The following FAM171A1 variants were observed in gnomAD, a reference collection of about 807,000 sequenced individuals.
FAM171A1 encodes protein FAM171A1.
A neutral mutation model predicts 74.9 loss-of-function variants in FAM171A1; 23 were observed. The ratio of observed to expected loss-of-function variants is 0.31; its 90% confidence interval spans 0.22 to 0.44. The LOEUF (loss-of-function observed/expected upper bound fraction) is 0.44, where lower values mean the gene tolerates loss of function less well. Among genes scored for constraint, FAM171A1 ranks in the 20% least tolerant of loss-of-function variants. The pLI is 1.00. For missense variants in FAM171A1, 1,162 were observed against 1,159.2 expected (o/e 1.00, Z -0.03); for synonymous variants, 527 against 505.7 (o/e 1.04, Z -0.57).
At chr10:15,332,295 T>A (rs574839903) in intron 1 of FAM171A1, among the ~76,000 whole-genome samples, 2 of 152,138 alleles carry the variant, frequency 1.3e-5, no homozygotes, top group African/African-American at 4.8e-5. Flanking sequence ...TATGCTCACC[T>A]TTTAAGCAAC....
At chr10:15,239,849 G>A (rs1443794606) in intron 5 of FAM171A1, among the ~76,000 whole-genome samples, 2 of 152,228 alleles carry the variant, frequency 1.3e-5, no homozygotes, top group Non-Finnish European at 1.5e-5. Context: ...GGGACCAGAA[G>A]TGTTTTGGAT....
At chr10:15,304,393 C>T (rs1835268684) in intron 1 of FAM171A1, among the ~76,000 whole-genome samples, 1 of 152,156 alleles carries the variant, frequency 6.6e-6, no homozygotes, top group South Asian at 2.1e-4. Context: ...GCCCACTCCC[C>T]AGCCACATCC....
At chr10:15,332,995 T>C (rs1274999070) in intron 1 of FAM171A1, among the ~76,000 whole-genome samples, 2 of 152,150 alleles carry the variant, frequency 1.3e-5, no homozygotes, top group Non-Finnish European at 2.9e-5. Context: ...ATACCTCCTA[T>C]AGTGCAACTC....
chr10:15,269,792 A>G (rs928342173), intron 3 of FAM171A1, among the ~76,000 whole-genome samples: 14 of 152,200 alleles, frequency 9.2e-5, no homozygotes, highest in African/African-American at 3.4e-4. Flanking sequence ...CTTTTCTCTC[A>G]CACACTTACA....
chr10:15,261,998 T>C (rs1834663845), intron 3 of FAM171A1, among the ~76,000 whole-genome samples: 1 of 152,194 alleles, frequency 6.6e-6, no homozygotes, highest in African/African-American at 2.4e-5. Context: ...GCCTGAAGTC[T>C]GAGCTACTCC....
In FAM171A1 at chr10:15,213,359, GC is replaced by G. The variant is rs756181652; in HGVS notation, c.2228del (p.Gly743AlafsTer2). ...NGSNDASLDS[G>X]VDMNEPKSAR... is the part of the protein sequence containing the mutation. ...CTGATTTTGGTTCATTCATATCTACGCCAGAGTCCAAACTGGCATCATTACT... is the reference window on the plus strand; with the variant it reads ...CTGATTTTGGTTCATTCATATCTACGCAGAGTCCAAACTGGCATCATTACT... On this transcript the variant is annotated frameshift_variant, in exon 8 of 8. Coordinates refer to ENST00000378116, the MANE Select transcript of FAM171A1 (RefSeq NM_001010924.2). LOFTEE classifies it high-confidence loss of function. The surrounding 1 kb of genome is among the most constrained non-coding windows in gnomAD (Gnocchi z 6.8). 6.2e-7 allele frequency: 1 copy of G among 1,614,070 alleles called. No individual in the cohort carries two copies. Among genetic ancestry groups the G allele is most frequent in the Non-Finnish European group, 8.5e-7 (1 of 1,180,014 alleles).
At chr10:15,314,941 T>C (rs1046349859) in intron 1 of FAM171A1, among the ~76,000 whole-genome samples, 13 of 152,208 alleles carry the variant, frequency 8.5e-5, no homozygotes, top group Non-Finnish European at 1.3e-4. Context: ...CCGGGATGGG[T>C]GGCTGAGTTT....
intron 1 of FAM171A1, among the ~76,000 whole-genome samples, chr10:15,298,544 T>G (rs1046897014): frequency 5.3e-5 from 8 of 152,192 alleles, no homozygotes; most frequent in Non-Finnish European, 1.2e-4. Context: ...CTCCAAAATA[T>G]TTAAACTAAT....
At chr10:15,335,662 A>G (rs977267141) in intron 1 of FAM171A1, among the ~76,000 whole-genome samples, 23 of 152,220 alleles carry the variant, frequency 1.5e-4, no homozygotes, top group African/African-American at 5.3e-4. Context: ...ACAGCCTGAA[A>G]GTGACAGGGG....
intron 5 of FAM171A1, among the ~76,000 whole-genome samples, chr10:15,229,899 ATCACCATCACCACCATCACCAACAT>A (rs879433429): frequency 0.071 from 6,743 of 94,682 alleles, 1,014 homozygotes; most frequent in Non-Finnish European, 0.085. Flanking sequence ...CATCACCATC[ATCACCATCACCACCATCACCAACAT>A]CATCATCATC....
chr10:15,357,227 G>A (rs749931264), intron 1 of FAM171A1, among the ~76,000 whole-genome samples: 15 of 152,130 alleles, frequency 9.9e-5, no homozygotes, highest in Non-Finnish European at 2.1e-4. Flanking sequence ...AGCTTGCAGT[G>A]GGCCGAGACC....
rs770727377 is a variant in FAM171A1 at position 15,283,743 on chromosome 10, C to T, written c.325+135G>A. ...GGGACTACAGGTGCACACTATGATGCCTGGCTAATTTTAAATTTTTTTGTA... is the reference window on the plus strand; with the variant it reads ...GGGACTACAGGTGCACACTATGATGTCTGGCTAATTTTAAATTTTTTTGTA... On this transcript the variant is annotated intron_variant, in intron 2 of 7. Transcript: ENST00000378116. 2.2e-5 allele frequency: 17 copies of T among 789,086 alleles called. No individual in the cohort carries two copies. In the African/African-American group the frequency reaches 3.0e-4, roughly 14 times the overall value. 48.9% of individuals were successfully genotyped at this position (789,086 alleles called of 1,614,324 possible).
At chr10:15,227,223 A>T (rs1834120590) in intron 5 of FAM171A1, among the ~76,000 whole-genome samples, 2 of 152,016 alleles carry the variant, frequency 1.3e-5, no homozygotes, top group South Asian at 2.1e-4. Flanking sequence ...CTGGTCTCGA[A>T]CTCCTTACCT....
intron 1 of FAM171A1, among the ~76,000 whole-genome samples, chr10:15,325,011 GCACAT>G (rs1835533929): frequency 6.6e-6 from 1 of 152,220 alleles, no homozygotes; most frequent in Non-Finnish European, 1.5e-5. Context: ...AAAGCTAGAG[GCACAT>G]CACGTGTGTC....
At position 15,275,849 on chromosome 10, in the gene FAM171A1, A is replaced by C. The variant is rs1834886223; in HGVS notation, c.418+6T>G. 1 of 1,579,668 alleles carries C rather than the reference A, an allele frequency of 6.3e-7. No individual in the cohort carries two copies. The highest frequency in any genetic ancestry group is 8.7e-7 in the Non-Finnish European group (1 of 1,154,450). ...CAATAAAAACTGAAAAAAATATTAA[A>C]TATACCTTGGAATCCTGATACTATT... On this transcript the variant is annotated splice_donor_region_variant and intron_variant, in intron 3 of 7. Transcript: ENST00000378116.
chr10:15,244,505 G>A (rs146109078), intron 5 of FAM171A1, among the ~76,000 whole-genome samples: 3,298 of 152,262 alleles, frequency 0.022, 47 homozygotes, highest in Admixed American at 0.028. Context: ...GGTGACAGAG[G>A]GAGACCCTGT....
chr10:15,296,542 A>G lies in FAM171A1; in HGVS notation c.98-12437T>C, dbSNP rs566553615. 6.0e-4 allele frequency among the ~76,000 whole-genome samples: 91 copies of G among 152,280 alleles called. 1 individual carries two copies. Among genetic ancestry groups the G allele is most frequent in the African/African-American group, 2.1e-3 (89 of 41,558 alleles). On this transcript the variant is annotated intron_variant, in intron 1 of 7. Coordinates refer to ENST00000378116, the MANE Select transcript of FAM171A1 (RefSeq NM_001010924.2). ...TTGATGTTCCTCCGCAAAGACCAAG[A>G]CTACTGTCATCCAGAAGAGAAAGGA...
chr10:15,357,585 A>T (rs1835948349), intron 1 of FAM171A1, among the ~76,000 whole-genome samples: 1 of 152,202 alleles, frequency 6.6e-6, no homozygotes, highest in African/African-American at 2.4e-5. Context: ...AATATTTGTG[A>T]ATTTCCTGGT....
upstream of FAM171A1, among the ~76,000 whole-genome samples, chr10:15,371,736 G>A (rs941429503): frequency 2.6e-5 from 4 of 152,222 alleles, no homozygotes; most frequent in African/African-American, 9.6e-5. Flanking sequence ...TAGGGGTTAG[G>A]GTGGGGAGGA....
Sources: gnomAD v4.1 joint callset for allele counts (sites outside exome capture counted in the v4.1 genomes callset) on GRCh38, gnomAD v4.1.1 for gene constraint, Gnocchi (gnomAD v3.1) non-coding constraint, MANE v1.5 for transcripts, NCBI Gene and HGNC (gene_info 2026-07-23, HGNC 2026-07-21) for gene names.